GSK3B: variants seen among roughly 807,000 people sequenced by gnomAD.
GSK3B encodes glycogen synthase kinase-3 beta.
GSK3B carries 15 observed loss-of-function variants against 56.4 expected under a neutral mutation model. The observed-to-expected ratio is 0.27, with a 90% confidence interval of 0.18 to 0.41. The LOEUF is 0.41. GSK3B is among the 10% of genes least tolerant of loss of function. The pLI is 1.00. For synonymous variants in GSK3B, 181 were observed against 188.9 expected (o/e 0.96, Z 0.34); for missense variants, 300 against 513.4 (o/e 0.58, Z 4.02).
intron 3 of GSK3B, among the ~76,000 whole-genome samples, chr3:119,933,863 C>T (rs1276984054): frequency 6.6e-6 from 1 of 151,990 alleles, no homozygotes; most frequent in Non-Finnish European, 1.5e-5. Flanking sequence ...ATAGGCAGAG[C>T]GAGACTCCTT....
chr3:120,027,389 AAAAAAGCAGAGCAACAAAAATG>A (rs1455799054), intron 1 of GSK3B, among the ~76,000 whole-genome samples: 3 of 152,036 alleles, frequency 2.0e-5, no homozygotes, highest in Non-Finnish European at 4.4e-5. Context: ...GAAAAAAAAA[AAAAAAGCAGAGCAACAAAAATG>A]AAACCCTATT....
At chr3:119,901,451 T>C (rs527640655) in intron 7 of GSK3B, among the ~76,000 whole-genome samples, 6 of 152,340 alleles carry the variant, frequency 3.9e-5, no homozygotes, top group Admixed American at 1.3e-4. Context: ...TCTTATACTT[T>C]TAACTTATTC....
intron 1 of GSK3B, among the ~76,000 whole-genome samples, chr3:120,017,312 G>A (rs1303897956): frequency 6.6e-6 from 1 of 152,152 alleles, no homozygotes; most frequent in East Asian, 1.9e-4. Context: ...CCAGAAGAAA[G>A]CCAGAAAATA....
At chr3:119,899,471 C>T (rs2108074234) in intron 7 of GSK3B, among the ~76,000 whole-genome samples, 1 of 152,112 alleles carries the variant, frequency 6.6e-6, no homozygotes, top group Non-Finnish European at 1.5e-5. Context: ...GTGCCTGGCA[C>T]AAAGTAAGGT....
chr3:119,984,218 G>A (rs1165239266), intron 2 of GSK3B, among the ~76,000 whole-genome samples: 10 of 152,054 alleles, frequency 6.6e-5, no homozygotes, highest in African/African-American at 2.4e-4. Flanking sequence ...TGTGTAGAGG[G>A]AAATTTATAG....
At chr3:119,832,416 G>T (rs188202469) in intron 10 of GSK3B, among the ~76,000 whole-genome samples, 2 of 152,356 alleles carry the variant, frequency 1.3e-5, no homozygotes, top group East Asian at 3.9e-4. Context: ...CTGACCCATA[G>T]AAACTATGTG....
intron 10 of GSK3B, 138 bp from the exon 11 acceptor site, chr3:119,826,993 C>A: frequency 1.6e-6 from 1 of 621,048 alleles, no homozygotes. Context: ...TAAATAAGGC[C>A]AACACTATGA....
intron 8 of GSK3B, among the ~76,000 whole-genome samples, chr3:119,867,231 A>G (rs1285646861): frequency 6.6e-6 from 1 of 152,208 alleles, no homozygotes; most frequent in Non-Finnish European, 1.5e-5. Context: ...GTGAGCTAAG[A>G]AGGATCAGGC....
At chr3:119,953,741 T>A (rs1019993610) in intron 2 of GSK3B, among the ~76,000 whole-genome samples, 7 of 152,166 alleles carry the variant, frequency 4.6e-5, no homozygotes, top group African/African-American at 1.7e-4. Context: ...CTATTACATT[T>A]ACCATCACAT....
Position 119,823,465 on chromosome 3 carries a change from T to C in GSK3B, c.*3323A>G, listed in dbSNP as rs2055446930. The stretch of plus-strand genomic sequence containing the variant: ...GATACTATTAAGAAACTTCGATTTA[T>C]AAAAAAACAATTCTCTGTCACTCTC... On this transcript the variant is annotated 3_prime_UTR_variant, in exon 11 of 11. Transcript: ENST00000264235. 3 of 194,052 alleles carry C rather than the reference T, an allele frequency of 1.5e-5. No homozygotes were observed. Among genetic ancestry groups the C allele is most frequent in the African/African-American group, 2.3e-5 (1 of 43,196 alleles). The allele number at this position is 194,052 out of a possible 1,614,324, so 12.0% of individuals were successfully genotyped here.
At chr3:119,981,438 C>T (rs1370634517) in intron 2 of GSK3B, among the ~76,000 whole-genome samples, 1 of 152,240 alleles carries the variant, frequency 6.6e-6, no homozygotes, top group Non-Finnish European at 1.5e-5. Flanking sequence ...TTTCCCTTTC[C>T]TAGCCAAGGG....
intron 4 of GSK3B, among the ~76,000 whole-genome samples, chr3:119,921,850 T>C (rs1293930639): frequency 1.3e-5 from 2 of 152,090 alleles, no homozygotes; most frequent in Non-Finnish European, 2.9e-5. Context: ...TAAAAAATAA[T>C]ATCCTGGCCA....
At chr3:119,919,699 G>T (rs73854739) in intron 4 of GSK3B, among the ~76,000 whole-genome samples, 1 of 151,854 alleles carries the variant, frequency 6.6e-6, no homozygotes, top group Non-Finnish European at 1.5e-5. Context: ...CAAAAATACC[G>T]TAAGTGCACA....
intron 2 of GSK3B, among the ~76,000 whole-genome samples, chr3:119,998,773 G>A (rs909943559): frequency 1.3e-5 from 2 of 152,154 alleles, no homozygotes; most frequent in Non-Finnish European, 2.9e-5. Context: ...GCCATGTAGT[G>A]AGATGCGTCT....
chr3:119,876,266 A>G, intron 8 of GSK3B, 147 bp downstream of exon 8: 1 of 579,716 alleles, frequency 1.7e-6, no homozygotes, highest in Non-Finnish European at 3.1e-6. Context: ...AAGTCAATGA[A>G]ACACTCAAGT....
intron 6 of GSK3B, among the ~76,000 whole-genome samples, chr3:119,910,154 T>G (rs1214096683): frequency 6.6e-6 from 1 of 152,156 alleles, no homozygotes. Context: ...TAAAAAAAAG[T>G]TACTTAGAAT....
rs1462866622 is a variant in GSK3B, at chr3:119,822,479, A to C, written c.*4309T>G. 1 of 225,242 alleles carries C rather than the reference A, an allele frequency of 4.4e-6. No individual in the cohort carries two copies. The highest frequency in any genetic ancestry group is 8.8e-6 in the Non-Finnish European group (1 of 113,192). 14.0% of individuals were successfully genotyped at this position (225,242 alleles called of 1,614,324 possible). On this transcript the variant is annotated 3_prime_UTR_variant, in exon 11 of 11. Transcript: ENST00000264235. The stretch of plus-strand genomic sequence containing the variant: ...TAACACAAGGAAGTCTACTTTGTCA[A>C]GCTAACCCCTTATGTACTGGTTGTC...
At chr3:119,867,230 G>A (rs2056194735) in intron 8 of GSK3B, among the ~76,000 whole-genome samples, 1 of 152,164 alleles carries the variant, frequency 6.6e-6, no homozygotes, top group Non-Finnish European at 1.5e-5. Context: ...TGTGAGCTAA[G>A]AAGGATCAGG....
intron 3 of GSK3B, among the ~76,000 whole-genome samples, chr3:119,937,927 G>A (rs1329357440): frequency 6.6e-6 from 1 of 150,766 alleles, no homozygotes; most frequent in Non-Finnish European, 1.5e-5. Flanking sequence ...AATCAGAAAT[G>A]AAAGTGGGGC....
Sources: gnomAD v4.1 joint callset for allele counts (sites outside exome capture counted in the v4.1 genomes callset) on GRCh38, gnomAD v4.1.1 for gene constraint, MANE v1.5 for transcripts, NCBI Gene and HGNC (gene_info 2026-07-23, HGNC 2026-07-21) for gene names.